The following CASZ1 variants were observed in gnomAD, a reference collection of about 807,000 sequenced individuals.
CASZ1 encodes the protein castor zinc finger 1, also known as zinc finger protein castor homolog 1.
CASZ1 carries 28 observed loss-of-function variants against 135.2 expected under a neutral mutation model. That is an observed-to-expected ratio of 0.21 (90% CI 0.15 to 0.28). CASZ1 has a LOEUF of 0.28. CASZ1 is among the 10% of genes least tolerant of loss of function. The pLI is 1.00. For synonymous variants in CASZ1, 1,068 were observed against 1,073.4 expected, an observed-to-expected ratio of 0.99 and a Z score of 0.10; for missense variants, 2,161 against 2,453.3, an observed-to-expected ratio of 0.88 and a Z score of 2.52.
rs1440960628 is a variant in CASZ1, at chr1:10,788,476, C to A, written c.-234+8088G>T. On this transcript the variant is annotated intron_variant, in intron 1 of 20. Transcript: ENST00000377022. This position sits in a 1 kb window ranked among gnomAD's most constrained non-coding sequence, Gnocchi z 4.1. ...ACTGCATTTATAAGATCTGCGAAACCCCTCAAAGTATAAGCAACATTTATG... is the reference window on the plus strand; with the variant it reads ...ACTGCATTTATAAGATCTGCGAAACACCTCAAAGTATAAGCAACATTTATG... Among the ~76,000 whole-genome samples, 1 of 152,140 alleles carries A rather than the reference C, an allele frequency of 6.6e-6. No homozygotes were observed. The highest frequency in any genetic ancestry group is 1.5e-5 in the Non-Finnish European group (1 of 68,028).
intron 4 of CASZ1, among the ~76,000 whole-genome samples, chr1:10,674,981 A>G (rs1219212682): frequency 9.2e-5 from 14 of 152,016 alleles, no homozygotes; most frequent in Admixed American, 9.2e-4. Flanking sequence ...ATGCAAGGGG[A>G]GCGCCCACCC....
chr1:10,674,157 G>A (rs1405355923), intron 4 of CASZ1, among the ~76,000 whole-genome samples: 1 of 152,220 alleles, frequency 6.6e-6, no homozygotes, highest in Non-Finnish European at 1.5e-5. Context: ...AAGCAGCTCT[G>A]GTGCAGAAGT....
At position 10,717,693 on chromosome 1, in the gene CASZ1, C is replaced by A. The variant is rs748341876; in HGVS notation, c.-76-12149G>T. ...CAGGGGCGGAGGTAGAAAACCCTTG[C>A]CAATTCCCCCCCAACTGATGTCAGA... On this transcript the variant is annotated intron_variant, in intron 2 of 20. Transcript: ENST00000377022. The surrounding 1 kb of genome is among the most constrained non-coding windows in gnomAD (Gnocchi z 4.6). Among the ~76,000 whole-genome samples the A allele has an allele frequency of 6.6e-5, 10 of 152,114 alleles. No homozygotes were observed. The highest frequency in any genetic ancestry group is 1.5e-4 in the Non-Finnish European group (10 of 68,010).
chr1:10,643,619 C>T (rs1642276088), intron 18 of CASZ1, among the ~76,000 whole-genome samples: 2 of 152,222 alleles, frequency 1.3e-5, no homozygotes, highest in African/African-American at 4.8e-5. Flanking sequence ...CCCTCATGGT[C>T]CCTGCACACT....
At position 10,659,920 on chromosome 1, in the gene CASZ1, G is replaced by C; in HGVS notation, c.1122C>G (p.Ser374=). Residue 374 remains serine, a synonymous_variant, in exon 6 of 21, where the codon TCC becomes TCG. Transcript: ENST00000377022. ...TCTGGATGCCCCGGACGTCGTACTT[G>C]GAAGGGCGCCCCACCTTGCCTGTCT... The part of the protein sequence containing the change: ...AFKTGKVGRP[S]KYDVRGIQKP... The C allele has an allele frequency of 6.2e-7, 1 of 1,612,044 alleles. No individual in the cohort carries two copies. Among genetic ancestry groups the C allele is most frequent in the Non-Finnish European group, 8.5e-7 (1 of 1,179,706 alleles).
At position 10,794,558 on chromosome 1, in the gene CASZ1, G is replaced by A. The variant is rs913494205; in HGVS notation, c.-234+2006C>T. Among the ~76,000 whole-genome samples the A allele has an allele frequency of 6.6e-6, 1 of 152,144 alleles. No individual in the cohort carries two copies. The highest frequency in any genetic ancestry group is 2.4e-5 in the African/African-American group (1 of 41,432). On this transcript the variant is annotated intron_variant, in intron 1 of 20. Coordinates refer to ENST00000377022, the MANE Select transcript of CASZ1 (RefSeq NM_001079843.3). This position sits in a 1 kb window ranked among gnomAD's most constrained non-coding sequence, Gnocchi z 5.6. The stretch of plus-strand genomic sequence containing the variant: ...CCCGCACCCGCACCGTAGCCAGCGT[G>A]GCTGGAAGGAGGTCCTCGCCGCGCC...
rs771413322 is a variant in CASZ1 at position 10,660,025 on chromosome 1, G to A, written c.1017C>T (p.Tyr339=). 88 of 1,614,016 alleles carry A rather than the reference G, an allele frequency of 5.5e-5. 1 individual carries two copies. Among genetic ancestry groups the A allele is most frequent in the South Asian group, 1.8e-4 (16 of 91,096 alleles). Residue 339 remains tyrosine (Y), a synonymous_variant, in exon 6 of 21, where the codon TAC becomes TAT. Transcript: ENST00000377022. ...NGSTYKKPSK[Y]DLENVKYLHL... is the part of the protein sequence containing the mutation. ...GCAGGTACTTGACATTCTCCAGGTCGTACTTGGATGGCTTCTTGTAGGTGC... is the reference window on the plus strand; with the variant it reads ...GCAGGTACTTGACATTCTCCAGGTCATACTTGGATGGCTTCTTGTAGGTGC...
intron 1 of CASZ1, among the ~76,000 whole-genome samples, chr1:10,764,243 T>TA (rs1200354141): frequency 6.6e-6 from 1 of 152,200 alleles, no homozygotes; most frequent in Non-Finnish European, 1.5e-5. Context: ...TCTCCTCCAT[T>TA]AGCCCTGTGA....
intron 2 of CASZ1, among the ~76,000 whole-genome samples, chr1:10,729,507 G>A (rs1639664310): frequency 6.6e-6 from 1 of 152,204 alleles, no homozygotes; most frequent in Non-Finnish European, 1.5e-5. Flanking sequence ...CCACCATCAG[G>A]CCAAGAACTC....
At chr1:10,744,168 A>G (rs1639992820) in intron 2 of CASZ1, among the ~76,000 whole-genome samples, 1 of 151,904 alleles carries the variant, frequency 6.6e-6, no homozygotes, top group East Asian at 1.9e-4. Flanking sequence ...ACCCGTAAAA[A>G]CAGCTGCTGT....
chr1:10,744,841 A>G (rs905376129), intron 2 of CASZ1, among the ~76,000 whole-genome samples: 2 of 152,176 alleles, frequency 1.3e-5, no homozygotes, highest in Non-Finnish European at 2.9e-5. Flanking sequence ...GGCACGCAGG[A>G]GAGCCGTGAC....
At chr1:10,765,595 A>C (rs1640460460) in intron 1 of CASZ1, among the ~76,000 whole-genome samples, 1 of 152,216 alleles carries the variant, frequency 6.6e-6, no homozygotes, top group African/African-American at 2.4e-5. Flanking sequence ...GCCAACATGC[A>C]GATCGGTCCA....
At chr1:10,779,426 C>T (rs1038761647) in intron 1 of CASZ1, among the ~76,000 whole-genome samples, 3 of 152,114 alleles carry the variant, frequency 2.0e-5, no homozygotes, top group African/African-American at 4.8e-5. Context: ...CTGGCACAGC[C>T]GGTGAGCTCA....
chr1:10,757,606 G>T lies in CASZ1; in HGVS notation c.-77+3095C>A, dbSNP rs1640284077. Among the ~76,000 whole-genome samples the T allele has an allele frequency of 6.6e-6, 1 of 152,270 alleles. No individual in the cohort carries two copies. The highest frequency in any genetic ancestry group is 1.5e-5 in the Non-Finnish European group (1 of 68,012). ...AGTTTGAGACCAGCCTGGCCAACAT[G>T]GTGAAACCCCGTCTCTACTAAAAAC... is the stretch of plus-strand genomic sequence containing the variant. On this transcript the variant is annotated intron_variant, in intron 2 of 20. Coordinates refer to ENST00000377022, the MANE Select transcript of CASZ1 (RefSeq NM_001079843.3). The surrounding 1 kb of genome is among the most constrained non-coding windows in gnomAD (Gnocchi z 4.6).
chr1:10,730,368 C>T (rs1482307155), intron 2 of CASZ1, among the ~76,000 whole-genome samples: 1 of 152,114 alleles, frequency 6.6e-6, no homozygotes, highest in African/African-American at 2.4e-5. Flanking sequence ...GATGAAGCTG[C>T]AAATATGATT....
In CASZ1 at chr1:10,699,358, C is replaced by G. The variant is rs1639011969; in HGVS notation, c.-23-5446G>C. On this transcript the variant is annotated intron_variant, in intron 3 of 20. Coordinates refer to ENST00000377022, the MANE Select transcript of CASZ1 (RefSeq NM_001079843.3). The surrounding 1 kb of genome is among the most constrained non-coding windows in gnomAD (Gnocchi z 4.6). Reference sequence around the variant, plus strand: ...CCACAACCCCAAACAGTAGCCCCTCCTCTTCCCCCAACCCCCACATCCCAC... The same window carrying G: ...CCACAACCCCAAACAGTAGCCCCTCGTCTTCCCCCAACCCCCACATCCCAC... Among the ~76,000 whole-genome samples the G allele has an allele frequency of 6.6e-6, 1 of 152,226 alleles. No individual in the cohort carries two copies. Among genetic ancestry groups the G allele is most frequent in the Non-Finnish European group, 1.5e-5 (1 of 68,046 alleles).
rs1638335443 is a variant in CASZ1, at chr1:10,679,215, C to T, written c.17-13644G>A. On this transcript the variant is annotated intron_variant, in intron 4 of 20. Coordinates refer to ENST00000377022, the MANE Select transcript of CASZ1 (RefSeq NM_001079843.3). This position sits in a 1 kb window ranked among gnomAD's most constrained non-coding sequence, Gnocchi z 4.7. ...GCTTTTGATGAAAGCATAGGCTGAT[C>T]CTGGGAGCCTGCTGCCCTGCCAAAG... Among the ~76,000 whole-genome samples, 1 of 152,208 alleles carries T rather than the reference C, an allele frequency of 6.6e-6. No individual in the cohort carries two copies. Among genetic ancestry groups the T allele is most frequent in the South Asian group, 2.1e-4 (1 of 4,834 alleles).
chr1:10,788,870 GGACA>G lies in CASZ1; in HGVS notation c.-234+7690_-234+7693del, dbSNP rs918435106. ...ATCGCACAGAGGAGCCCACCAGTGG[GGACA>G]GAGGGGAAGCCAGCAGCCGCTGCCG... On this transcript the variant is annotated intron_variant, in intron 1 of 20. Transcript: ENST00000377022. This position sits in a 1 kb window ranked among gnomAD's most constrained non-coding sequence, Gnocchi z 4.1. Among the ~76,000 whole-genome samples, 1 of 152,234 alleles carries G rather than the reference GGACA, an allele frequency of 6.6e-6. No individual in the cohort carries two copies. Among genetic ancestry groups the G allele is most frequent in the Non-Finnish European group, 1.5e-5 (1 of 68,040 alleles).
At chr1:10,745,152 C>A (rs566975136) in intron 2 of CASZ1, among the ~76,000 whole-genome samples, 1 of 152,262 alleles carries the variant, frequency 6.6e-6, no homozygotes, top group Admixed American at 6.5e-5. Flanking sequence ...AAAAGCTTCA[C>A]CCTCTGCCCC....
Sources: allele counts gnomAD v4.1 joint callset (sites outside exome capture counted in the v4.1 genomes callset), GRCh38; gene constraint gnomAD v4.1.1; non-coding constraint Gnocchi (gnomAD v3.1); transcripts MANE v1.5; gene names NCBI Gene and HGNC (gene_info 2026-07-23, HGNC 2026-07-21).